The following NFATC3 variants were observed in gnomAD, a reference collection of about 807,000 sequenced individuals.
NFATC3 encodes nuclear factor of activated T-cells, cytoplasmic 3.
NFATC3 carries 46 observed loss-of-function variants against 98.6 expected under a neutral mutation model. That is an observed-to-expected ratio of 0.47 (90% confidence interval 0.37 to 0.60). NFATC3 has a LOEUF of 0.60. Ranked by LOEUF, NFATC3 falls within the 20% of genes least tolerant of loss-of-function variation. NFATC3 has a pLI of 0.00. For missense variants in NFATC3, 1,256 were observed against 1,295.5 expected (o/e 0.97, Z 0.47); for synonymous variants, 512 against 472.2 (o/e 1.08, Z -1.09).
At chr16:68,131,443 A>G (rs2037108978) in intron 3 of NFATC3, among the ~76,000 whole-genome samples, 1 of 151,870 alleles carries the variant, frequency 6.6e-6, no homozygotes, top group African/African-American at 2.4e-5. Flanking sequence ...ATGCCTGGCT[A>G]ATTTTTTGTA....
In NFATC3 at chr16:68,228,270, A is replaced by C. The variant is rs1252190174; in HGVS notation, c.*1799A>C. 1 of 152,154 alleles carries C rather than the reference A, an allele frequency of 6.6e-6. No homozygotes were observed. The highest frequency in any genetic ancestry group is 1.5e-5 in the Non-Finnish European group (1 of 68,030). 9.4% of individuals were successfully genotyped at this position (152,154 alleles called of 1,614,324 possible). A position where few individuals can be genotyped will look rare whatever the true frequency, so the allele number is the denominator to read the frequency against. The stretch of plus-strand genomic sequence containing the variant: ...TCTTGAAAAGTGAGTTGTGTCACAG[A>C]ATGTGGATAGTGAGATTTGCTTCTG... On this transcript the variant is annotated 3_prime_UTR_variant, in exon 10 of 10. Transcript: ENST00000346183.
intron 6 of NFATC3, among the ~76,000 whole-genome samples, chr16:68,180,716 C>T (rs1353766510): frequency 6.6e-6 from 1 of 152,122 alleles, no homozygotes; most frequent in African/African-American, 2.4e-5. Context: ...AGTGTGTTCT[C>T]ATTGTTCAAT....
Position 68,191,772 on chromosome 16 carries a change from G to A in NFATC3, c.3103G>A (p.Asp1035Asn). Residue 1035 changes from aspartate to asparagine, a missense_variant, in exon 9 of 10, where the codon GAT becomes AAT. Around this residue, in one of 3 missense-constraint regions of NFATC3, gnomAD observed 636 missense variants for 617.3 expected, o/e 1.03. Transcript: ENST00000346183. ...TGGTCTGCAGGACATCACTTTAGAT[G>A]ATGGTAAGTTCATCTCTGATATGTT... The part of the protein sequence containing the change: ...TIGLQDITLD[D>N]VNEIIGRDMS... The A allele has an allele frequency of 6.2e-7, 1 of 1,614,150 alleles. No individual in the cohort carries two copies. Among genetic ancestry groups the A allele is most frequent in the Non-Finnish European group, 8.5e-7 (1 of 1,180,016 alleles).
intron 1 of NFATC3, among the ~76,000 whole-genome samples, chr16:68,086,949 C>A (rs1235759860): frequency 6.6e-6 from 1 of 152,116 alleles, no homozygotes; most frequent in Non-Finnish European, 1.5e-5. Flanking sequence ...CTCTTACGGA[C>A]CCTGTAGTGT....
intron 2 of NFATC3, 31 bp from the exon 3 acceptor site, chr16:68,126,417 T>C (rs778181920): frequency 6.3e-7 from 1 of 1,586,406 alleles, no homozygotes. Flanking sequence ...AATAGCATGG[T>C]GACATGCATC....
At chr16:68,167,079 A>T (rs929995243) in intron 5 of NFATC3, 64 bp downstream of exon 5, 2 of 1,524,320 alleles carry the variant, frequency 1.3e-6, no homozygotes, top group African/African-American at 2.8e-5. Flanking sequence ...TGTTTTACTT[A>T]TAATGTAATG....
At chr16:68,194,328 C>G (rs1318633076) in intron 9 of NFATC3, among the ~76,000 whole-genome samples, 7 of 152,200 alleles carry the variant, frequency 4.6e-5, no homozygotes, top group African/African-American at 1.7e-4. Flanking sequence ...CACAATTTCA[C>G]TGCGTTAACC....
At chr16:68,167,206 G>T (rs900335237) in intron 5 of NFATC3, among the ~76,000 whole-genome samples, 191 bp downstream of exon 5, 4 of 152,174 alleles carry the variant, frequency 2.6e-5, no homozygotes, top group Non-Finnish European at 4.4e-5. Flanking sequence ...TTAGAAAATG[G>T]TTTCTCATGA....
chr16:68,138,426 C>T, intron 3 of NFATC3: 1 of 1,000,624 alleles, frequency 1.0e-6, no homozygotes, highest in Non-Finnish European at 1.3e-6. Context: ...ACTACTGTAA[C>T]TAATAATCCC....
intron 3 of NFATC3, among the ~76,000 whole-genome samples, chr16:68,152,471 T>A (rs1463438327): frequency 6.6e-6 from 1 of 151,852 alleles, no homozygotes; most frequent in African/African-American, 2.4e-5. Context: ...CCAGGGGTTA[T>A]CAAACTATGG....
chr16:68,132,409 CAAGAATAA>C (rs2037161204), intron 3 of NFATC3, among the ~76,000 whole-genome samples: 1 of 152,050 alleles, frequency 6.6e-6, no homozygotes, highest in African/African-American at 2.4e-5. Flanking sequence ...GAAAAACCCT[CAAGAATAA>C]AAGAATAAAA....
intron 9 of NFATC3, among the ~76,000 whole-genome samples, chr16:68,211,048 A>G (rs1402920733): frequency 6.6e-6 from 1 of 151,896 alleles, no homozygotes; most frequent in Admixed American, 6.6e-5. Flanking sequence ...TCCCAGGTGT[A>G]AGCCACTGTG....
intron 1 of NFATC3, among the ~76,000 whole-genome samples, chr16:68,113,868 A>T (rs1208820054): frequency 1.3e-5 from 2 of 152,248 alleles, no homozygotes; most frequent in Non-Finnish European, 2.9e-5. Context: ...TGCCACCGCC[A>T]CTGTGTTGTG....
At position 68,122,078 on chromosome 16, in the gene NFATC3, T is replaced by C. The variant is rs1344847000; in HGVS notation, c.195T>C (p.His65=). 1.2e-6 allele frequency: 2 copies of C among 1,613,956 alleles called. No individual in the cohort carries two copies. Among genetic ancestry groups the C allele is most frequent in the Non-Finnish European group, 1.7e-6 (2 of 1,180,026 alleles). ...TLTTPLCLPH[H]GLPSHSSVLS... ...CCACACCACTTTGCTTACCACATCATGGATTACCGTCTCACTCTTCTGTTT... is the reference window on the plus strand; with the variant it reads ...CCACACCACTTTGCTTACCACATCACGGATTACCGTCTCACTCTTCTGTTT... The change falls in exon 2 of 10, where the codon CAT becomes CAC. Residue 65 remains histidine, a synonymous_variant. Transcript: ENST00000346183.
chr16:68,123,183 A>G, intron 2 of NFATC3, 62 bp downstream of exon 2: 1 of 1,503,504 alleles, frequency 6.7e-7, no homozygotes, highest in Non-Finnish European at 8.9e-7. Flanking sequence ...GTGGCATATA[A>G]CTACATTATC....
intron 9 of NFATC3, among the ~76,000 whole-genome samples, chr16:68,205,025 A>G (rs2041086742): frequency 6.6e-6 from 1 of 151,368 alleles, no homozygotes; most frequent in South Asian, 2.1e-4. Flanking sequence ...GACATTTCCA[A>G]AGCCTACAGT....
At chr16:68,093,133 T>C (rs2034819231) in intron 1 of NFATC3, among the ~76,000 whole-genome samples, 1 of 152,218 alleles carries the variant, frequency 6.6e-6, no homozygotes, top group Non-Finnish European at 1.5e-5. Flanking sequence ...CCTTTATTCA[T>C]CTCTTTTCAG....
rs951050518 is a variant in NFATC3 at position 68,085,397 on chromosome 16, G to T, written c.-285G>T. 1 of 228,124 alleles carries T rather than the reference G, an allele frequency of 4.4e-6. No homozygotes were observed. Among genetic ancestry groups the T allele is most frequent in the African/African-American group, 2.3e-5 (1 of 42,800 alleles). The allele number at this position is 228,124 out of a possible 1,614,324, so 14.1% of individuals were successfully genotyped here. ...GGCGCGAGAGCGCACCCGCGGCGGC[G>T]GTGGCGGCGACTGTGGGGGGGCGGC... On this transcript the variant is annotated 5_prime_UTR_variant, in exon 1 of 10. Transcript: ENST00000346183.
At chr16:68,101,134 C>T (rs572116139) in intron 1 of NFATC3, among the ~76,000 whole-genome samples, 16 of 152,112 alleles carry the variant, frequency 1.1e-4, no homozygotes, top group Non-Finnish European at 1.9e-4. Flanking sequence ...ATTTTCTCCT[C>T]GGTTTTCTTT....
Sources: gnomAD v4.1 joint callset for allele counts (sites outside exome capture counted in the v4.1 genomes callset) on GRCh38, gnomAD v4.1.1 for gene constraint, gnomAD v4.1.1 regional missense constraint, MANE v1.5 for transcripts, NCBI Gene and HGNC (gene_info 2026-07-23, HGNC 2026-07-21) for gene names.